The following SPMIP5 variants were observed in gnomAD, a reference collection of about 807,000 sequenced individuals.
SPMIP5 encodes the protein sperm microtubule inner protein 5, also known as sperm-associated microtubule inner protein 5.
the SPMIP5 span, chr10:116,665,864 C>T: frequency 1.3e-6 from 2 of 1,560,422 alleles, no homozygotes; most frequent in South Asian, 2.3e-5. Flanking sequence ...TTCAGCAAGA[C>T]TGGCCAGCAA....
At chr10:116,665,413 A>G in the SPMIP5 span, 1 of 556,720 alleles carries the variant, frequency 1.8e-6, no homozygotes, top group Non-Finnish European at 3.1e-6. Flanking sequence ...TCAAAAAAAA[A>G]AAAAAAAAGA....
At chr10:116,664,022 GGGGCCTTCCAAGGGCA>G in the SPMIP5 span, 1 of 1,564,962 alleles carries the variant, frequency 6.4e-7, no homozygotes, top group Non-Finnish European at 8.6e-7. Context: ...TCCTCTCTCA[GGGGCCTTCCAAGGGCA>G]GGGCAGCTTC....
At chr10:116,663,508 G>C in the SPMIP5 span, among the ~76,000 whole-genome samples, 1 of 152,158 alleles carries the variant, frequency 6.6e-6, no homozygotes, top group East Asian at 1.9e-4. Flanking sequence ...TGGAAAACCA[G>C]GGCTGGGGTG....
the SPMIP5 span, chr10:116,664,816 C>A: frequency 6.2e-7 from 1 of 1,614,150 alleles, no homozygotes; most frequent in Non-Finnish European, 8.5e-7. Flanking sequence ...TCCAGGAAGT[C>A]CTTGTAGCAG....
the SPMIP5 span, among the ~76,000 whole-genome samples, chr10:116,668,866 G>C: frequency 1.1e-4 from 17 of 151,054 alleles, no homozygotes; most frequent in African/African-American, 3.2e-4. Flanking sequence ...GTCAGAAGTG[G>C]GGGATGGGAT....
the SPMIP5 span, among the ~76,000 whole-genome samples, chr10:116,668,493 G>A: frequency 6.6e-6 from 1 of 152,152 alleles, no homozygotes; most frequent in Non-Finnish European, 1.5e-5. Context: ...GCTGGCTTCA[G>A]TCACAAACCA....
the SPMIP5 span, among the ~76,000 whole-genome samples, chr10:116,663,181 CAAA>C: frequency 6.2e-4 from 60 of 96,868 alleles, no homozygotes; most frequent in Admixed American, 5.4e-4. Context: ...GATTCTGTCT[CAAA>C]AAAAAAAAAA....
chr10:116,663,157 G>C, the SPMIP5 span, among the ~76,000 whole-genome samples: 1 of 149,122 alleles, frequency 6.7e-6, no homozygotes. Flanking sequence ...ACTCCAGCCT[G>C]GGTGACAGAG....
the SPMIP5 span, chr10:116,665,218 G>A: frequency 1.3e-6 from 1 of 761,498 alleles, no homozygotes; most frequent in South Asian, 3.1e-5. Flanking sequence ...GCAACATGGT[G>A]AAACCCCGTC....
the SPMIP5 span, among the ~76,000 whole-genome samples, chr10:116,667,928 G>T: frequency 6.6e-6 from 1 of 152,158 alleles, no homozygotes; most frequent in Non-Finnish European, 1.5e-5. Flanking sequence ...GGAGAACAGG[G>T]CCTCTACTTA....
At chr10:116,664,679 G>A in the SPMIP5 span, 1 of 1,552,808 alleles carries the variant, frequency 6.4e-7, no homozygotes, top group South Asian at 1.3e-5. Flanking sequence ...GCTGGGATGG[G>A]GACATCTGGT....
chr10:116,665,559 C>G, the SPMIP5 span: 1 of 1,558,982 alleles, frequency 6.4e-7, no homozygotes, highest in South Asian at 1.2e-5. Context: ...CTATGAGAAT[C>G]TGCAGGGGTG....
chr10:116,668,201 G>A, the SPMIP5 span: 3 of 1,524,766 alleles, frequency 2.0e-6, no homozygotes, highest in East Asian at 2.3e-5. Flanking sequence ...GGCAGGGACA[G>A]TGACCAGGAC....
At chr10:116,664,845 T>A in the SPMIP5 span, 1 of 1,614,182 alleles carries the variant, frequency 6.2e-7, no homozygotes, top group Non-Finnish European at 8.5e-7. Context: ...CATGACAGTG[T>A]ATCTCGTGCC....
chr10:116,665,687 T>C, the SPMIP5 span: 1 of 1,614,142 alleles, frequency 6.2e-7, no homozygotes, highest in Non-Finnish European at 8.5e-7. Flanking sequence ...CAGGTTTCAG[T>C]TTCGGGGCAG....
the SPMIP5 span, chr10:116,664,454 A>G: frequency 1.3e-6 from 1 of 759,298 alleles, no homozygotes; most frequent in East Asian, 2.9e-5. Context: ...AGCTGAGGCC[A>G]CTCAGCACCC....
the SPMIP5 span, chr10:116,664,653 C>G: frequency 4.6e-6 from 7 of 1,516,964 alleles, no homozygotes; most frequent in African/African-American, 8.4e-5. Context: ...ACAAATCACA[C>G]ACAAATAGTC....
the SPMIP5 span, chr10:116,664,359 T>G: frequency 1.1e-6 from 1 of 947,400 alleles, no homozygotes; most frequent in Non-Finnish European, 1.5e-6. Flanking sequence ...TACATAAATA[T>G]GAGTAAATAT....
At chr10:116,667,189 G>T in the SPMIP5 span, among the ~76,000 whole-genome samples, 61 of 152,144 alleles carry the variant, frequency 4.0e-4, no homozygotes, top group African/African-American at 1.4e-3. Context: ...TGAGGATGAA[G>T]AGAGTGACTG....
Sources: allele counts gnomAD v4.1 joint callset (sites outside exome capture counted in the v4.1 genomes callset), GRCh38; gene constraint gnomAD v4.1.1; transcripts MANE v1.5; gene names NCBI Gene and HGNC (gene_info 2026-07-23, HGNC 2026-07-21).